ATP8A2: variants seen among roughly 807,000 people sequenced by gnomAD.
The protein encoded by ATP8A2 is phospholipid-transporting ATPase IB.
ATP8A2 carries 100 observed loss-of-function variants against 165.6 expected under a neutral mutation model. The observed-to-expected ratio is 0.60, with a 90% confidence interval of 0.51 to 0.71. The LOEUF (loss-of-function observed/expected upper bound fraction) is 0.71, where lower values mean the gene tolerates loss of function less well. Among genes scored for constraint, ATP8A2 ranks in the 30% least tolerant of loss-of-function variants. The pLI is 0.00. For synonymous variants in ATP8A2, 543 were observed against 548.8 expected (o/e 0.99, Z 0.15); for missense variants, 1,227 against 1,479.5 (o/e 0.83, Z 2.80).
intron 1 of ATP8A2, among the ~76,000 whole-genome samples, chr13:25,435,586 C>T (rs1222146925): frequency 2.6e-5 from 4 of 152,080 alleles, no homozygotes; most frequent in Non-Finnish European, 5.9e-5. Flanking sequence ...GTAAATGTCA[C>T]TGGAATTGAT....
At chr13:25,547,051 A>G (rs1593507193) in intron 10 of ATP8A2, among the ~76,000 whole-genome samples, 1 of 152,112 alleles carries the variant, frequency 6.6e-6, no homozygotes, top group Non-Finnish European at 1.5e-5. Context: ...AATTGCCTGA[A>G]CCCAGGAGGC....
chr13:25,432,628 G>C (rs1488351422), intron 1 of ATP8A2, among the ~76,000 whole-genome samples: 1 of 151,814 alleles, frequency 6.6e-6, no homozygotes, highest in Non-Finnish European at 1.5e-5. Flanking sequence ...TCCATGAATT[G>C]CTGCAAGCCT....
At chr13:25,864,562 A>C (rs948621484) in intron 33 of ATP8A2, among the ~76,000 whole-genome samples, 3 of 152,234 alleles carry the variant, frequency 2.0e-5, no homozygotes, top group Non-Finnish European at 4.4e-5. Flanking sequence ...TTCCAGCAGA[A>C]CTTTAGTGAG....
intron 7 of ATP8A2, among the ~76,000 whole-genome samples, chr13:25,540,022 A>G (rs2038419194): frequency 6.6e-6 from 1 of 152,130 alleles, no homozygotes; most frequent in East Asian, 1.9e-4. Context: ...TGGGGACATC[A>G]CATGTTTCCC....
At chr13:25,396,862 G>A (rs976818778) in intron 1 of ATP8A2, among the ~76,000 whole-genome samples, 1 of 152,200 alleles carries the variant, frequency 6.6e-6, no homozygotes, top group African/African-American at 2.4e-5. Flanking sequence ...TGGCATGACT[G>A]TGGTGAGACA....
chr13:25,746,556 G>T (rs217859), intron 25 of ATP8A2, among the ~76,000 whole-genome samples: 151,838 of 152,378 alleles, frequency 1, 75,653 homozygotes, highest in Middle Eastern at 1. Context: ...GTTTGTGAAA[G>T]TGCCTTAGAG....
At chr13:25,833,834 T>C (rs1204573233) in intron 28 of ATP8A2, among the ~76,000 whole-genome samples, 1 of 152,210 alleles carries the variant, frequency 6.6e-6, no homozygotes, top group Non-Finnish European at 1.5e-5. Context: ...TATTAAAAGC[T>C]TTTATATGGC....
At chr13:25,506,996 CTAAA>C (rs990561192) in intron 2 of ATP8A2, among the ~76,000 whole-genome samples, 6 of 135,406 alleles carry the variant, frequency 4.4e-5, no homozygotes, top group Non-Finnish European at 9.5e-5. Flanking sequence ...AAATAAGAAA[CTAAA>C]TATGTGTGTG....
At position 25,543,433 on chromosome 13, in the gene ATP8A2, T is replaced by A. The variant is rs774609725; in HGVS notation, c.891+31T>A. The A allele has an allele frequency of 4.2e-6, 6 of 1,423,668 alleles. No homozygotes were observed. In the Admixed American group the frequency reaches 1.0e-4, roughly 25 times the overall value. The allele number at this position is 1,423,668 out of a possible 1,614,324, so 88.2% of individuals were successfully genotyped here. On this transcript the variant is annotated intron_variant, in intron 10 of 36. Transcript: ENST00000381655. ...ACATTTCTATGCTGATTTCAGTCTTTTTTTTCTTTCTGCTTTTATTGACTA... is the reference window on the plus strand; with the variant it reads ...ACATTTCTATGCTGATTTCAGTCTTATTTTTCTTTCTGCTTTTATTGACTA...
In ATP8A2 at chr13:25,589,776, A is replaced by G. The variant is rs1184768644; in HGVS notation, c.2211+77A>G. 3 of 895,230 alleles carry G rather than the reference A, an allele frequency of 3.4e-6. No individual in the cohort carries two copies. In the East Asian group the frequency reaches 7.6e-5, roughly 23 times the overall value. The allele number at this position is 895,230 out of a possible 1,614,324, so 55.5% of individuals were successfully genotyped here. The stretch of plus-strand genomic sequence containing the variant: ...TTTCTTTCTACTATCATTGATAATC[A>G]GGGATCATGTTTTGCTAAAAAACAG... On this transcript the variant is annotated intron_variant, in intron 24 of 36. Transcript: ENST00000381655.
chr13:25,486,672 C>A (rs189651558), intron 2 of ATP8A2, among the ~76,000 whole-genome samples: 2 of 152,250 alleles, frequency 1.3e-5, no homozygotes, highest in East Asian at 3.9e-4. Context: ...ACAATTGTTA[C>A]AACAAATAGA....
At chr13:25,785,375 A>G (rs1294437634) in intron 27 of ATP8A2, among the ~76,000 whole-genome samples, 1 of 152,028 alleles carries the variant, frequency 6.6e-6, no homozygotes, top group African/African-American at 2.4e-5. Flanking sequence ...CTCAAAAAAT[A>G]ATAATAATAA....
Position 25,872,174 on chromosome 13 carries a change from G to T in ATP8A2, c.3183+9766G>T, listed in dbSNP as rs528532249. ...GTCCTCTGCCTCACTGACCATGGCA[G>T]TTGATTCAGGAATGCACATGGTGCC... On this transcript the variant is annotated intron_variant, in intron 33 of 36. Coordinates refer to ENST00000381655, the MANE Select transcript of ATP8A2 (RefSeq NM_016529.6). 7.2e-5 allele frequency among the ~76,000 whole-genome samples: 11 copies of T among 152,192 alleles called. No homozygotes were observed. In the South Asian group the frequency reaches 1.2e-3, roughly 17 times the overall value.
rs529505187 is a variant in ATP8A2, at chr13:25,793,187, G to C, written c.2679+18228G>C. Among the ~76,000 whole-genome samples, 16 of 152,286 alleles carry C rather than the reference G, an allele frequency of 1.1e-4. No homozygotes were observed. The East Asian group carries it at 3.1e-3, about 29-fold the overall frequency. On this transcript the variant is annotated intron_variant, in intron 27 of 36. Coordinates refer to ENST00000381655, the MANE Select transcript of ATP8A2 (RefSeq NM_016529.6). ...CATCTGCCTTGTGACTTTCAATTTT[G>C]AGTTAATATTTGAAACTGTCTTCGT...
At chr13:25,795,854 C>T (rs571498609) in intron 27 of ATP8A2, among the ~76,000 whole-genome samples, 4 of 151,970 alleles carry the variant, frequency 2.6e-5, no homozygotes, top group Non-Finnish European at 5.9e-5. Context: ...AGAGAAGAAC[C>T]ATCAAAACTT....
intron 1 of ATP8A2, among the ~76,000 whole-genome samples, chr13:25,405,587 C>T (rs974503182): frequency 6.6e-6 from 1 of 152,140 alleles, no homozygotes; most frequent in African/African-American, 2.4e-5. Flanking sequence ...AGGACCGGCT[C>T]CCTGGGCAGC....
rs1957119779 is a variant in ATP8A2 at position 26,023,818 on chromosome 13, T to C, written c.*3833T>C. The C allele has an allele frequency of 6.6e-6, 1 of 152,204 alleles. No homozygotes were observed. The highest frequency in any genetic ancestry group is 2.4e-5 in the African/African-American group (1 of 41,446). The allele number at this position is 152,204 out of a possible 1,614,324, so 9.4% of individuals were successfully genotyped here. On this transcript the variant is annotated 3_prime_UTR_variant, in exon 37 of 37. Coordinates refer to ENST00000381655, the MANE Select transcript of ATP8A2 (RefSeq NM_016529.6). The stretch of plus-strand genomic sequence containing the variant: ...GCCCAGGGTCATCGTCTCAAAGTAA[T>C]TCAAGGAGTGATTTAACATCAGCAT...
intron 35 of ATP8A2, among the ~76,000 whole-genome samples, chr13:26,011,442 A>G (rs1956845574): frequency 6.6e-6 from 1 of 152,114 alleles, no homozygotes; most frequent in Non-Finnish European, 1.5e-5. Context: ...CCTGTTTCCA[A>G]ATACAGTCCC....
At chr13:25,375,306 G>A (rs1332803282) in intron 1 of ATP8A2, among the ~76,000 whole-genome samples, 1 of 152,228 alleles carries the variant, frequency 6.6e-6, no homozygotes, top group Non-Finnish European at 1.5e-5. Flanking sequence ...TCTAGGCAGT[G>A]ACTACAGTGC....
Sources: gnomAD v4.1 joint callset for allele counts (sites outside exome capture counted in the v4.1 genomes callset) on GRCh38, gnomAD v4.1.1 for gene constraint, MANE v1.5 for transcripts, NCBI Gene and HGNC (gene_info 2026-07-23, HGNC 2026-07-21) for gene names.